Variants in ROBO2 observed in about 807,000 individuals in gnomAD.
The protein encoded by ROBO2 is roundabout homolog 2.
In ROBO2, 53 loss-of-function variants were observed where a neutral mutation model predicts 160.8. That is an observed-to-expected ratio of 0.33 (90% CI 0.26 to 0.41). The LOEUF is 0.41. Ranked by LOEUF, ROBO2 falls within the 10% of genes least tolerant of loss-of-function variation. The pLI is 1.00. For synonymous variants in ROBO2, 664 were observed against 611.7 expected (o/e 1.09, Z -1.26); for missense variants, 1,577 against 1,722.4 (o/e 0.92, Z 1.49).
intron 2 of ROBO2, among the ~76,000 whole-genome samples, chr3:76,734,088 A>G (rs1375035503): frequency 1.3e-5 from 2 of 152,190 alleles, no homozygotes; most frequent in Non-Finnish European, 2.9e-5. Context: ...CCAAAGCTCC[A>G]TCTCCTAATA....
intron 2 of ROBO2, among the ~76,000 whole-genome samples, chr3:76,507,553 G>C (rs1162600587): frequency 6.6e-6 from 1 of 151,944 alleles, no homozygotes; most frequent in Non-Finnish European, 1.5e-5. Flanking sequence ...CATTCTATTA[G>C]AATGGAATCT....
At chr3:77,058,820 A>G (rs9816175) in intron 1 of ROBO2, among the ~76,000 whole-genome samples, 127,882 of 151,978 alleles carry the variant, frequency 0.84, 54,627 homozygotes, top group Middle Eastern at 0.94. Context: ...TTACAGAGGC[A>G]AGCCGCCACA....
At chr3:76,186,289 G>C (rs1009176996) in intron 2 of ROBO2, among the ~76,000 whole-genome samples, 1 of 151,958 alleles carries the variant, frequency 6.6e-6, no homozygotes. Context: ...AAGAAGAAAA[G>C]GGGCAAGCAA....
intron 2 of ROBO2, among the ~76,000 whole-genome samples, chr3:77,304,445 T>G (rs894837358): frequency 6.6e-6 from 1 of 152,094 alleles, no homozygotes; most frequent in African/African-American, 2.4e-5. Context: ...GTCGGCCACA[T>G]GAAGTGAGAG....
chr3:76,377,262 AT>A (rs2076393696), intron 2 of ROBO2, among the ~76,000 whole-genome samples: 1 of 152,172 alleles, frequency 6.6e-6, no homozygotes, highest in African/African-American at 2.4e-5. Context: ...GAAATCCATA[AT>A]ATTGACATAA....
chr3:77,459,686 T>G (rs2082037543), intron 2 of ROBO2, among the ~76,000 whole-genome samples: 1 of 152,164 alleles, frequency 6.6e-6, no homozygotes, highest in Non-Finnish European at 1.5e-5. Flanking sequence ...AAGTGATAAG[T>G]AAACTGAGAT....
intron 2 of ROBO2, among the ~76,000 whole-genome samples, chr3:76,383,029 C>G (rs2076711805): frequency 6.6e-6 from 1 of 151,746 alleles, no homozygotes; most frequent in African/African-American, 2.4e-5. Context: ...ATCTCAGAGA[C>G]AAATAAAGAA....
intron 2 of ROBO2, among the ~76,000 whole-genome samples, chr3:77,331,944 G>C (rs563771893): frequency 1.2e-3 from 177 of 152,256 alleles, no homozygotes; most frequent in Non-Finnish European, 1.9e-3. Context: ...GACCTCAGGT[G>C]ACCCACCTGC....
intron 2 of ROBO2, among the ~76,000 whole-genome samples, chr3:76,116,273 G>A (rs2070467315): frequency 6.6e-6 from 1 of 152,172 alleles, no homozygotes; most frequent in Non-Finnish European, 1.5e-5. Flanking sequence ...TGCAATGCAA[G>A]CACTATGTGC....
intron 2 of ROBO2, among the ~76,000 whole-genome samples, chr3:76,599,673 A>G (rs1322904401): frequency 1.3e-5 from 2 of 152,218 alleles, no homozygotes; most frequent in East Asian, 1.9e-4. Context: ...CCAACAGTGT[A>G]TAAGCATTCC....
intron 2 of ROBO2, among the ~76,000 whole-genome samples, chr3:76,501,165 G>T (rs1188966517): frequency 6.6e-6 from 1 of 152,158 alleles, no homozygotes; most frequent in African/African-American, 2.4e-5. Context: ...CAGTTTGAAG[G>T]TTAACTTTAT....
intron 2 of ROBO2, among the ~76,000 whole-genome samples, chr3:76,796,845 G>A (rs1042788676): frequency 3.3e-5 from 5 of 151,912 alleles, no homozygotes; most frequent in Admixed American, 3.3e-4. Context: ...AACTGTAAAA[G>A]GAATCAAGCC....
chr3:75,963,567 G>A (rs1454713642), intron 2 of ROBO2, among the ~76,000 whole-genome samples: 2 of 151,826 alleles, frequency 1.3e-5, no homozygotes, highest in African/African-American at 2.4e-5. Context: ...ATCTGAAAAT[G>A]ATGCTAACGT....
intron 2 of ROBO2, among the ~76,000 whole-genome samples, chr3:76,249,150 C>T (rs1013936449): frequency 4.6e-5 from 7 of 151,898 alleles, no homozygotes; most frequent in East Asian, 1.9e-4. Flanking sequence ...GGTTGAACTT[C>T]GTGAAATATT....
intron 2 of ROBO2, among the ~76,000 whole-genome samples, chr3:76,687,040 A>T (rs2092700307): frequency 6.6e-6 from 1 of 151,994 alleles, no homozygotes; most frequent in Admixed American, 6.6e-5. Context: ...TGACTTCTAA[A>T]ATTTTCATAT....
intron 2 of ROBO2, among the ~76,000 whole-genome samples, chr3:77,330,563 T>A (rs770189975): frequency 6.6e-6 from 1 of 152,174 alleles, no homozygotes; most frequent in South Asian, 2.1e-4. Context: ...TATACTTGAG[T>A]AGCAGTCAGT....
intron 24 of ROBO2, among the ~76,000 whole-genome samples, chr3:77,638,818 CTTTT>C (rs34034420): frequency 9.8e-5 from 5 of 51,270 alleles, no homozygotes; most frequent in African/African-American, 2.4e-4. Flanking sequence ...TTTCACCTAG[CTTTT>C]TTTTTTTTTT....
chr3:75,955,837 C>G (rs1948705513), intron 2 of ROBO2, among the ~76,000 whole-genome samples: 2 of 151,638 alleles, frequency 1.3e-5, no homozygotes, highest in Non-Finnish European at 1.5e-5. Flanking sequence ...CCTGCCCACC[C>G]AGACTGTGCT....
chr3:75,929,383 G>T (rs1947435616), intron 1 of ROBO2, among the ~76,000 whole-genome samples: 1 of 152,098 alleles, frequency 6.6e-6, no homozygotes, highest in Non-Finnish European at 1.5e-5. Flanking sequence ...TTACTAAGCT[G>T]CAGGAAACTG....
Sources: allele counts gnomAD v4.1 joint callset (sites outside exome capture counted in the v4.1 genomes callset), GRCh38; gene constraint gnomAD v4.1.1; transcripts MANE v1.5; gene names NCBI Gene and HGNC (gene_info 2026-07-23, HGNC 2026-07-21).